The following RP1 variants were observed in gnomAD, a reference collection of about 807,000 sequenced individuals.
RP1 encodes the protein RP1 axonemal microtubule associated.
In RP1, 16 loss-of-function variants were observed where a neutral mutation model predicts 14.8. That is an observed-to-expected ratio of 1.08 (90% CI 0.73 to 1.65). The LOEUF (loss-of-function observed/expected upper bound fraction) is 1.65, where lower values mean the gene tolerates loss of function less well. Ranked by LOEUF, RP1 falls within the 40% of genes most tolerant of loss-of-function variation. RP1 has a pLI of 0.00. For missense variants in RP1, 2,631 were observed against 2,535.0 expected (o/e 1.04, Z -0.81); for synonymous variants, 876 against 883.6 (o/e 0.99, Z 0.15).
intron 12 of RP1, among the ~76,000 whole-genome samples, chr8:54,698,807 A>G (rs919670978): frequency 6.6e-6 from 1 of 152,064 alleles, no homozygotes; most frequent in Non-Finnish European, 1.5e-5. Flanking sequence ...CAAACACCTC[A>G]TGTTTTCACT....
In RP1 at chr8:54,625,338, A is replaced by G; in HGVS notation, c.1456A>G (p.Ser486Gly). ...QEKMIGQFSY[S>G]EERESGENKS... ...GAAAATGATTGGACAGTTTTCATATAGTGAAGAAAGGGAAAGTGGGGAAAA... is the reference window on the plus strand; with the variant it reads ...GAAAATGATTGGACAGTTTTCATATGGTGAAGAAAGGGAAAGTGGGGAAAA... The change falls in exon 4 of 4, where the codon AGT (serine) becomes GGT (glycine). Residue 486 changes from serine (S) to glycine (G), a missense_variant. Transcript: ENST00000220676. 6.2e-7 allele frequency: 1 copy of G among 1,614,202 alleles called. No homozygotes were observed. Among genetic ancestry groups the G allele is most frequent in the South Asian group, 1.1e-5 (1 of 91,090 alleles).
At chr8:54,858,690 G>C (rs1207816672) in intron 27 of RP1, among the ~76,000 whole-genome samples, 1 of 151,808 alleles carries the variant, frequency 6.6e-6, no homozygotes, top group Non-Finnish European at 1.5e-5. Context: ...CTGTAGAGTG[G>C]CGTTTCTGTA....
chr8:54,711,455 A>G (rs1188975246), intron 15 of RP1, among the ~76,000 whole-genome samples: 4 of 152,202 alleles, frequency 2.6e-5, no homozygotes, highest in East Asian at 1.9e-4. Context: ...AAATCATAGG[A>G]AAGTGTGGCA....
At chr8:54,657,120 G>C (rs428630) in intron 6 of RP1, among the ~76,000 whole-genome samples, 37,968 of 151,972 alleles carry the variant, frequency 0.25, 5,125 homozygotes, top group East Asian at 0.42. Context: ...TTACTGAAAA[G>C]TGAAGCAGGA....
At chr8:54,607,518 CTT>C (rs1805481760) in intron 1 of RP1, among the ~76,000 whole-genome samples, 1 of 152,180 alleles carries the variant, frequency 6.6e-6, no homozygotes, top group African/African-American at 2.4e-5. Flanking sequence ...GGCAGTCTGT[CTT>C]TTCTCAGATC....
intron 12 of RP1, among the ~76,000 whole-genome samples, chr8:54,695,108 G>A (rs868718296): frequency 3.4e-4 from 52 of 152,228 alleles, no homozygotes; most frequent in African/African-American, 1.2e-3. Flanking sequence ...AGGTTGTTCA[G>A]TTTCCATGTA....
chr8:54,579,825 T>C (rs1804740568), intron 1 of RP1, among the ~76,000 whole-genome samples: 1 of 152,176 alleles, frequency 6.6e-6, no homozygotes. Context: ...TAAATACATG[T>C]GCCAATCCCT....
Position 54,595,907 on chromosome 8 carries a change from C to T in RP1, c.-12-25048C>T, listed in dbSNP as rs542604208. Among the ~76,000 whole-genome samples the T allele has an allele frequency of 2.8e-4, 43 of 152,296 alleles. No homozygotes were observed. In the South Asian group the frequency reaches 8.3e-3, roughly 29 times the overall value. ...AGAGGTGATTTATTCCTGACCATCACATTCTTTGGAGGAATTAGCTTTTTT... is the reference window on the plus strand; with the variant it reads ...AGAGGTGATTTATTCCTGACCATCATATTCTTTGGAGGAATTAGCTTTTTT... On this transcript the variant is annotated intron_variant, in intron 1 of 22. Transcript: ENST00000636932.
At chr8:54,856,708 A>C (rs1483384214) in intron 26 of RP1, among the ~76,000 whole-genome samples, 1 of 152,128 alleles carries the variant, frequency 6.6e-6, no homozygotes, top group Non-Finnish European at 1.5e-5. Flanking sequence ...CACTTGAGAG[A>C]GTTTGGCACT....
At chr8:54,712,334 G>A (rs1242284300) in intron 15 of RP1, among the ~76,000 whole-genome samples, 1 of 152,134 alleles carries the variant, frequency 6.6e-6, no homozygotes, top group Admixed American at 6.5e-5. Context: ...AATACTCACT[G>A]TGCCAAGATG....
intron 13 of RP1, chr8:54,701,451 A>G (rs1228856750): frequency 7.5e-6 from 11 of 1,475,198 alleles, no homozygotes; most frequent in East Asian, 2.5e-5. Flanking sequence ...TTTTTCTGTT[A>G]CTAATTTAGA....
chr8:54,650,896 A>G (rs1435123092), intron 4 of RP1, among the ~76,000 whole-genome samples: 2 of 151,836 alleles, frequency 1.3e-5, no homozygotes, highest in African/African-American at 2.4e-5. Flanking sequence ...GTAGGACGTT[A>G]TCTGTGGGTT....
chr8:54,756,696 A>G (rs1304144582), intron 21 of RP1, among the ~76,000 whole-genome samples: 1 of 152,226 alleles, frequency 6.6e-6, no homozygotes, highest in Non-Finnish European at 1.5e-5. Flanking sequence ...GATCTCCTAC[A>G]GAACCGTGCT....
At chr8:54,588,618 G>C (rs545479659) in intron 1 of RP1, among the ~76,000 whole-genome samples, 4 of 152,308 alleles carry the variant, frequency 2.6e-5, no homozygotes, top group Middle Eastern at 3.4e-3. Flanking sequence ...CAGGTCAGAA[G>C]CTAGTGTTAG....
At chr8:54,757,548 T>A (rs1321309781) in intron 21 of RP1, among the ~76,000 whole-genome samples, 4 of 152,228 alleles carry the variant, frequency 2.6e-5, no homozygotes, top group Non-Finnish European at 5.9e-5. Context: ...ATTAGTGAGC[T>A]GGTTACTGCT....
chr8:54,703,894 T>G (rs911829722), intron 14 of RP1, among the ~76,000 whole-genome samples: 2 of 152,168 alleles, frequency 1.3e-5, no homozygotes, highest in Non-Finnish European at 2.9e-5. Context: ...AGCTTCAACC[T>G]TTTCTCCTGA....
intron 20 of RP1, chr8:54,754,987 G>A (rs1298361227): frequency 1.4e-6 from 2 of 1,407,432 alleles, no homozygotes; most frequent in East Asian, 5.4e-5. Flanking sequence ...TTGTTTGGTA[G>A]TTGCTTAAAT....
intron 19 of RP1, among the ~76,000 whole-genome samples, chr8:54,742,532 C>G (rs1001356714): frequency 6.6e-6 from 1 of 152,128 alleles, no homozygotes; most frequent in African/African-American, 2.4e-5. Context: ...CAAGAAATAT[C>G]TACTTAGCAC....
intron 28 of RP1, among the ~76,000 whole-genome samples, chr8:54,869,650 G>A (rs558959442): frequency 2.6e-5 from 4 of 152,340 alleles, no homozygotes; most frequent in Non-Finnish European, 4.4e-5. Context: ...CAATTTGAGT[G>A]TAGGAAAAAA....
Sources: gnomAD v4.1 joint callset for allele counts (sites outside exome capture counted in the v4.1 genomes callset) on GRCh38, gnomAD v4.1.1 for gene constraint, MANE v1.5 for transcripts, NCBI Gene and HGNC (gene_info 2026-07-23, HGNC 2026-07-21) for gene names.